Variants in ADGRA3 observed in about 807,000 individuals in gnomAD.
The protein encoded by ADGRA3 is adhesion G protein-coupled receptor A3, also known as G-protein coupled receptor 125.
In ADGRA3, 56 loss-of-function variants were observed where a neutral mutation model predicts 119.8. The observed-to-expected ratio is 0.47, with a 90% CI of 0.38 to 0.58. The LOEUF (loss-of-function observed/expected upper bound fraction) is 0.58, where lower values mean the gene tolerates loss of function less well. Ranked by LOEUF, ADGRA3 falls within the 20% of genes least tolerant of loss-of-function variation. The probability of loss-of-function intolerance (pLI) is 0.00; values close to 1 mark genes in which losing one functional copy is unlikely to be tolerated. For missense variants in ADGRA3, 1,516 were observed against 1,649.0 expected (o/e 0.92, Z 1.40); for synonymous variants, 607 against 623.8 (o/e 0.97, Z 0.40).
chr4:22,431,724 C>T (rs936246261), intron 10 of ADGRA3, among the ~76,000 whole-genome samples: 4 of 152,036 alleles, frequency 2.6e-5, no homozygotes, highest in South Asian at 2.1e-4. Flanking sequence ...TACCCACTCT[C>T]GGGTATGTCA....
rs1404725022 is a variant in ADGRA3 at position 22,515,866 on chromosome 4, G to A, written c.-82C>T. On this transcript the variant is annotated 5_prime_UTR_variant, in exon 1 of 19. Coordinates refer to ENST00000334304, the MANE Select transcript of ADGRA3 (RefSeq NM_145290.4). ...CGGAGCCCGGGCGGGCAGGAGCGCG[G>A]CGCGGGCCCAGCGGCGACCGGAGCC... The A allele has an allele frequency of 9.6e-6, 9 of 938,494 alleles. No individual in the cohort carries two copies. Among genetic ancestry groups the A allele is most frequent in the Non-Finnish European group, 1.1e-5 (9 of 788,718 alleles). The allele number at this position is 938,494 out of a possible 1,614,324, so 58.1% of individuals were successfully genotyped here.
Position 22,420,944 on chromosome 4 carries a change from T to C in ADGRA3, c.1751A>G (p.Asp584Gly). The C allele has an allele frequency of 6.2e-7, 1 of 1,614,120 alleles. No homozygotes were observed. Among genetic ancestry groups the C allele is most frequent in the Non-Finnish European group, 8.5e-7 (1 of 1,179,998 alleles). ...ATTGCACTTAAAGCTCAGCTGCTTATCCAGGTTTCCCTCTGGATCCCGCCT... is the reference window on the plus strand; with the variant it reads ...ATTGCACTTAAAGCTCAGCTGCTTACCCAGGTTTCCCTCTGGATCCCGCCT... ...YGRRDPEGNL[D>G]KQLSFKCNVS... is the part of the protein sequence containing the mutation. The change falls in exon 12 of 19, where the codon GAT (aspartate) becomes GGT (glycine). Residue 584 changes from aspartate (D) to glycine (G), a missense_variant. This residue lies in a region of ADGRA3 where 1,088 missense variants were observed against 1,107.1 expected (regional missense o/e 0.98). Coordinates refer to ENST00000334304, the MANE Select transcript of ADGRA3 (RefSeq NM_145290.4).
At chr4:22,510,009 C>CAAAAAA (rs545010218) in intron 1 of ADGRA3, among the ~76,000 whole-genome samples, 2 of 98,842 alleles carry the variant, frequency 2.0e-5, no homozygotes, top group African/African-American at 4.1e-5. Flanking sequence ...GACTCCGTCT[C>CAAAAAA]AAAAAAAAAA....
chr4:22,409,698 C>T (rs989688652), intron 14 of ADGRA3, among the ~76,000 whole-genome samples: 1 of 152,158 alleles, frequency 6.6e-6, no homozygotes, highest in African/African-American at 2.4e-5. Context: ...CTTTAAGATA[C>T]ATTATCACCA....
At chr4:22,489,112 C>T (rs1560342838) in intron 1 of ADGRA3, among the ~76,000 whole-genome samples, 1 of 152,198 alleles carries the variant, frequency 6.6e-6, no homozygotes, top group Non-Finnish European at 1.5e-5. Context: ...GCTGGGGAGG[C>T]CTCATAATCA....
chr4:22,397,371 G>A (rs913657504), intron 16 of ADGRA3, among the ~76,000 whole-genome samples: 7 of 151,882 alleles, frequency 4.6e-5, no homozygotes, highest in Non-Finnish European at 1.0e-4. Flanking sequence ...TAGCGGAGAT[G>A]GGGTTTCACC....
intron 1 of ADGRA3, among the ~76,000 whole-genome samples, chr4:22,479,140 C>A (rs191634375): frequency 2.2e-4 from 33 of 152,254 alleles, no homozygotes; most frequent in Non-Finnish European, 3.8e-4. Flanking sequence ...CAATGAGACA[C>A]CATCTCACAC....
At chr4:22,397,226 G>T (rs1714396825) in intron 16 of ADGRA3, among the ~76,000 whole-genome samples, 1 of 143,234 alleles carries the variant, frequency 7.0e-6, no homozygotes, top group Non-Finnish European at 1.5e-5. Context: ...TCTGTCATCA[G>T]GCAGGAGTGC....
chr4:22,421,984 GAGTTTTAA>G (rs1715720627), intron 11 of ADGRA3, among the ~76,000 whole-genome samples: 1 of 149,386 alleles, frequency 6.7e-6, no homozygotes, highest in South Asian at 2.1e-4. Context: ...ACCTGCCCTA[GAGTTTTAA>G]AGGAATTCAG....
At chr4:22,439,464 A>AT (rs1716524233) in intron 7 of ADGRA3, among the ~76,000 whole-genome samples, 1 of 152,338 alleles carries the variant, frequency 6.6e-6, no homozygotes, top group East Asian at 1.9e-4. Flanking sequence ...GACACAAATG[A>AT]TAAGAAATAA....
At chr4:22,406,377 T>C (rs543511334) in intron 14 of ADGRA3, among the ~76,000 whole-genome samples, 1 of 152,350 alleles carries the variant, frequency 6.6e-6, no homozygotes. Flanking sequence ...GCTCTATTTT[T>C]AGTTTTTCAA....
At chr4:22,408,899 A>T (rs1233011203) in intron 14 of ADGRA3, among the ~76,000 whole-genome samples, 1 of 152,232 alleles carries the variant, frequency 6.6e-6, no homozygotes, top group Non-Finnish European at 1.5e-5. Flanking sequence ...AAACTTTGGC[A>T]TATTGATACA....
At chr4:22,394,394 G>C (rs530395325) in intron 16 of ADGRA3, 1 of 152,172 alleles carries the variant, frequency 6.6e-6, no homozygotes, top group Admixed American at 6.5e-5. Flanking sequence ...AGAAATGATC[G>C]TCTTAAAAAG....
rs1718428161 is a variant in ADGRA3 at position 22,486,198 on chromosome 4, T to C, written c.258-12355A>G. 4.6e-5 allele frequency among the ~76,000 whole-genome samples: 7 copies of C among 152,310 alleles called. No homozygotes were observed. In the South Asian group the frequency reaches 1.4e-3, roughly 32 times the overall value. ...CCCTGTTATGGATCTTTCCATATTT[T>C]TATGCTTCTTCTATTATTTTCAACA... On this transcript the variant is annotated intron_variant, in intron 1 of 18. Transcript: ENST00000334304.
chr4:22,510,501 T>A (rs1422421381), intron 1 of ADGRA3, among the ~76,000 whole-genome samples: 2 of 152,064 alleles, frequency 1.3e-5, no homozygotes, highest in African/African-American at 4.8e-5. Context: ...TATGTTCTAG[T>A]GTGGTTCTGC....
chr4:22,413,671 T>C lies in ADGRA3; in HGVS notation c.1953A>G (p.Gly651=). 1 of 1,614,068 alleles carries C rather than the reference T, an allele frequency of 6.2e-7. No individual in the cohort carries two copies. Among genetic ancestry groups the C allele is most frequent in the Non-Finnish European group, 8.5e-7 (1 of 1,179,960 alleles). The change falls in exon 13 of 19, where the codon GGA becomes GGG. Residue 651 remains glycine, a synonymous_variant. Transcript: ENST00000334304. ...FRNGKLFPAT[G]NSTNLADDGK... ...CATCATCAGCCAAATTTGTTGAATT[T>C]CCAGTGGCTGGAAAAAGCTTTCCAT...
chr4:22,508,933 G>T (rs188794254), intron 1 of ADGRA3, among the ~76,000 whole-genome samples: 1 of 151,998 alleles, frequency 6.6e-6, no homozygotes, highest in African/African-American at 2.4e-5. Flanking sequence ...TAGAAGCAAC[G>T]GGGCCAAAAT....
chr4:22,476,506 A>C (rs1278976078), intron 1 of ADGRA3, among the ~76,000 whole-genome samples: 1 of 152,186 alleles, frequency 6.6e-6, no homozygotes, highest in Admixed American at 6.5e-5. Context: ...AAATGCTTAC[A>C]AGCTTTTAAA....
intron 1 of ADGRA3, among the ~76,000 whole-genome samples, chr4:22,513,629 A>G (rs1719529707): frequency 6.6e-6 from 1 of 151,380 alleles, no homozygotes; most frequent in Non-Finnish European, 1.5e-5. Flanking sequence ...CTCCTGCCTC[A>G]GCCTTCCAAG....
Sources: gnomAD v4.1 joint callset for allele counts (sites outside exome capture counted in the v4.1 genomes callset) on GRCh38, gnomAD v4.1.1 for gene constraint, gnomAD v4.1.1 regional missense constraint, MANE v1.5 for transcripts, NCBI Gene and HGNC (gene_info 2026-07-23, HGNC 2026-07-21) for gene names.